MED12L: variants seen among roughly 807,000 people sequenced by gnomAD.
MED12L encodes the protein mediator complex subunit 12L.
In MED12L, 60 loss-of-function variants were observed where a neutral mutation model predicts 281.3. The observed-to-expected ratio is 0.21, with a 90% CI of 0.17 to 0.26. MED12L has a LOEUF of 0.26. Among genes scored for constraint, MED12L ranks in the 10% least tolerant of loss-of-function variants. The probability of loss-of-function intolerance (pLI) is 1.00; values close to 1 mark genes in which losing one functional copy is unlikely to be tolerated. For missense variants in MED12L, 2,146 were observed against 2,680.9 expected (o/e 0.80, Z 4.41); for synonymous variants, 974 against 987.2 (o/e 0.99, Z 0.25).
At chr3:151,234,014 G>A (rs556060521) in intron 16 of MED12L, among the ~76,000 whole-genome samples, 1 of 152,316 alleles carries the variant, frequency 6.6e-6, no homozygotes, top group South Asian at 2.1e-4. Context: ...CTTTGGAAAG[G>A]GAATTGGAAA....
At chr3:151,320,744 T>G (rs1176401703) in intron 16 of MED12L, among the ~76,000 whole-genome samples, 1 of 152,182 alleles carries the variant, frequency 6.6e-6, no homozygotes, top group Non-Finnish European at 1.5e-5. Context: ...TACTCCTTCC[T>G]ATGCTGGGCA....
At chr3:151,250,874 G>A (rs73023010) in intron 16 of MED12L, among the ~76,000 whole-genome samples, 8,891 of 152,164 alleles carry the variant, frequency 0.058, 851 homozygotes, top group African/African-American at 0.2. Flanking sequence ...ACCATCTTAC[G>A]TTCCCACCAA....
At chr3:151,414,836 C>A (rs1474851552) in intron 42 of MED12L, among the ~76,000 whole-genome samples, 1 of 152,028 alleles carries the variant, frequency 6.6e-6, no homozygotes, top group Non-Finnish European at 1.5e-5. Flanking sequence ...CTCTCTAATC[C>A]TGTTTTGTCA....
chr3:151,106,686 C>T (rs1722112322), intron 2 of MED12L, among the ~76,000 whole-genome samples: 1 of 152,120 alleles, frequency 6.6e-6, no homozygotes, highest in Non-Finnish European at 1.5e-5. Flanking sequence ...CATCCTCTGT[C>T]TTTTCTTTTG....
intron 39 of MED12L, among the ~76,000 whole-genome samples, chr3:151,408,374 C>G (rs963598156): frequency 4.6e-5 from 7 of 152,068 alleles, no homozygotes; most frequent in African/African-American, 1.7e-4. Flanking sequence ...ATTAAAATAG[C>G]TTTATGTAAC....
intron 16 of MED12L, among the ~76,000 whole-genome samples, chr3:151,288,211 C>A (rs1743802039): frequency 6.6e-6 from 1 of 152,286 alleles, no homozygotes; most frequent in Middle Eastern, 3.4e-3. Flanking sequence ...TTATAGCATG[C>A]AAAGTATGAG....
At position 151,432,973 on chromosome 3, in the gene MED12L, C is replaced by A; in HGVS notation, c.*169C>A. 1 of 551,100 alleles carries A rather than the reference C, an allele frequency of 1.8e-6. No homozygotes were observed. The highest frequency in any genetic ancestry group is 3.1e-6 in the Non-Finnish European group (1 of 321,004). 34.1% of individuals were successfully genotyped at this position (551,100 alleles called of 1,614,324 possible). ...AAAAAAAGGTGTTTAAACAAAAAGC[C>A]AAGGAGAAGTTGTGGTTTGATTTTG... On this transcript the variant is annotated 3_prime_UTR_variant, in exon 45 of 45. Coordinates refer to ENST00000687756, the MANE Select transcript of MED12L (RefSeq NM_001393769.1).
intron 11 of MED12L, among the ~76,000 whole-genome samples, chr3:151,176,587 CTT>C (rs1005529281): frequency 1.4e-4 from 7 of 48,488 alleles, no homozygotes; most frequent in African/African-American, 5.0e-4. Context: ...GTGCTCCACT[CTT>C]TTATTACTTC....
intron 16 of MED12L, among the ~76,000 whole-genome samples, chr3:151,227,473 A>G (rs1388225590): frequency 6.6e-6 from 1 of 152,216 alleles, no homozygotes; most frequent in Non-Finnish European, 1.5e-5. Flanking sequence ...CATAGTCTTT[A>G]CTTTGTATTC....
intron 16 of MED12L, chr3:151,198,870 C>A: frequency 6.2e-7 from 1 of 1,614,014 alleles, no homozygotes; most frequent in Non-Finnish European, 8.5e-7. Flanking sequence ...CAATTTCTTC[C>A]AAATTCCTTT....
intron 16 of MED12L, among the ~76,000 whole-genome samples, chr3:151,281,447 T>A (rs1742799041): frequency 6.6e-6 from 1 of 152,022 alleles, no homozygotes; most frequent in Middle Eastern, 3.4e-3. Context: ...TATTTTATTA[T>A]GACTTTTAGC....
At chr3:151,385,721 G>GAA (rs34514758) in intron 36 of MED12L, among the ~76,000 whole-genome samples, 26 of 118,796 alleles carry the variant, frequency 2.2e-4, no homozygotes, top group South Asian at 5.0e-4. Flanking sequence ...TCTGGGGGGG[G>GAA]AAAAAAAAAA....
rs181122399 is a variant in MED12L, at chr3:151,385,264, A to G, written c.5088+73A>G. The stretch of plus-strand genomic sequence containing the variant: ...GAAATACTTTTTTTTGTCTTACCAT[A>G]GGATATATAAAATATATTAATTTTG... On this transcript the variant is annotated intron_variant, in intron 36 of 44. Coordinates refer to ENST00000687756, the MANE Select transcript of MED12L (RefSeq NM_001393769.1). The G allele has an allele frequency of 1.4e-4, 113 of 819,212 alleles. 1 individual carries two copies. In the African/African-American group the frequency reaches 1.7e-3, roughly 13 times the overall value. 50.7% of individuals were successfully genotyped at this position (819,212 alleles called of 1,614,324 possible). A position where few individuals can be genotyped will look rare whatever the true frequency, so the allele number is the denominator to read the frequency against.
intron 4 of MED12L, among the ~76,000 whole-genome samples, chr3:151,126,817 C>T (rs1441498252): frequency 6.6e-6 from 1 of 152,114 alleles, no homozygotes; most frequent in South Asian, 2.1e-4. Flanking sequence ...AATTGTTTTG[C>T]TTTATCCTTA....
At chr3:151,279,207 T>G (rs1345894956) in intron 16 of MED12L, among the ~76,000 whole-genome samples, 1 of 152,244 alleles carries the variant, frequency 6.6e-6, no homozygotes, top group Admixed American at 6.5e-5. Flanking sequence ...ATAAGGTTCC[T>G]GCATTTTAAG....
rs533044099 is a variant in MED12L, at chr3:151,190,863, C to T, written c.1900C>T (p.Arg634Trp). The stretch of plus-strand genomic sequence containing the variant: ...AGATTTGTCAGTCACTGCCTCAACT[C>T]GGCCGCGGTCACCAGTAGGGGAAAA... ...RGDLSVTAST[R>W]PRSPVGENAD... Residue 634 changes from arginine to tryptophan, a missense_variant, in exon 14 of 45, where the codon CGG (arginine) becomes TGG (tryptophan). Physicochemically the swap from Arg to Trp is moderately radical, Grantham distance 101 (BLOSUM62 -3). Coordinates refer to ENST00000687756, the MANE Select transcript of MED12L (RefSeq NM_001393769.1). 11 of 1,614,132 alleles carry T rather than the reference C, an allele frequency of 6.8e-6. No individual in the cohort carries two copies. The highest frequency in any genetic ancestry group is 4.0e-5 in the African/African-American group (3 of 75,018).
chr3:151,308,029 A>G (rs1221519284), intron 16 of MED12L, among the ~76,000 whole-genome samples: 2 of 152,168 alleles, frequency 1.3e-5, no homozygotes, highest in African/African-American at 4.8e-5. Context: ...TACCTGACGT[A>G]CTTCCCAAGG....
chr3:151,378,044 C>T lies in MED12L; in HGVS notation c.4349C>T (p.Ala1450Val). The change falls in exon 31 of 45, where the codon GCC becomes GTC. Residue 1450 changes from alanine to valine, a missense_variant. By Grantham distance (64) the Ala-to-Val change is moderately conservative. Coordinates refer to ENST00000687756, the MANE Select transcript of MED12L (RefSeq NM_001393769.1). The part of the protein sequence containing the change: ...SSERRGVWLV[A>V]PLIARLPTSV... ...GAACGCAGGGGTGTATGGTTGGTGG[C>T]CCCCCTCATCGCCAGGTTGCCAACT... 6.2e-7 allele frequency: 1 copy of T among 1,609,754 alleles called. No homozygotes were observed. The highest frequency in any genetic ancestry group is 8.5e-7 in the Non-Finnish European group (1 of 1,177,514).
intron 16 of MED12L, among the ~76,000 whole-genome samples, chr3:151,221,887 G>A (rs768692170): frequency 2.0e-5 from 3 of 152,202 alleles, no homozygotes; most frequent in Non-Finnish European, 4.4e-5. Flanking sequence ...CTCCAGAATA[G>A]TAGATCCCCT....
Sources: gnomAD v4.1 joint callset for allele counts (sites outside exome capture counted in the v4.1 genomes callset) on GRCh38, gnomAD v4.1.1 for gene constraint, MANE v1.5 for transcripts, NCBI Gene and HGNC (gene_info 2026-07-23, HGNC 2026-07-21) for gene names.